ACYP2: variants seen among roughly 807,000 people sequenced by gnomAD.
ACYP2 encodes acylphosphatase 2.
ACYP2 carries 12 observed loss-of-function variants against 11.2 expected under a neutral mutation model. The ratio of observed to expected loss-of-function variants is 1.08; its 90% confidence interval spans 0.69 to 1.74. The LOEUF (loss-of-function observed/expected upper bound fraction) is 1.74. ACYP2 is among the 40% of genes most tolerant of loss of function. The probability of loss-of-function intolerance (pLI) is 0.00; values close to 1 mark genes in which losing one functional copy is unlikely to be tolerated. For missense variants in ACYP2, 134 were observed against 101.9 expected (o/e 1.31, Z -1.35); for synonymous variants, 43 against 32.2 (o/e 1.33, Z -1.13).
At chr2:54,081,676 C>T (rs1402721664) in intron 4 of ACYP2, among the ~76,000 whole-genome samples, 4 of 152,210 alleles carry the variant, frequency 2.6e-5, no homozygotes, top group Non-Finnish European at 5.9e-5. Flanking sequence ...TGATGCATGA[C>T]TCTACATACC....
intron 6 of ACYP2, among the ~76,000 whole-genome samples, chr2:54,195,794 G>T (rs1408220019): frequency 2.4e-4 from 20 of 83,142 alleles, no homozygotes; most frequent in Non-Finnish European, 3.8e-4. Context: ...TTTGTTGTGG[G>T]TTTTTTTTTT....
chr2:54,035,634 T>C (rs1366962006), intron 2 of ACYP2, among the ~76,000 whole-genome samples: 1 of 152,202 alleles, frequency 6.6e-6, no homozygotes, highest in African/African-American at 2.4e-5. Flanking sequence ...TACTCAACCA[T>C]CTACATGATC....
rs1018372025 is a variant in ACYP2, at chr2:54,113,951, G to A, written c.278-21502G>A. The stretch of plus-strand genomic sequence containing the variant: ...ATGGAATGAACTGGGAGATGGAAGA[G>A]TTAAGTTACGAGGTCTCTGCAATAA... On this transcript the variant is annotated intron_variant, in intron 4 of 6. Transcript: ENST00000607452. 3.3e-5 allele frequency among the ~76,000 whole-genome samples: 5 copies of A among 152,286 alleles called. No homozygotes were observed. The South Asian group carries it at 6.2e-4, about 19-fold the overall frequency.
chr2:54,128,020 A>G (rs1351987286), intron 4 of ACYP2, among the ~76,000 whole-genome samples: 4 of 152,234 alleles, frequency 2.6e-5, no homozygotes, highest in African/African-American at 9.6e-5. Context: ...CTTTTGCAAC[A>G]TCCACCAAAT....
chr2:54,266,629 G>A (rs1261095868), intron 6 of ACYP2, among the ~76,000 whole-genome samples: 5 of 77,002 alleles, frequency 6.5e-5, no homozygotes, highest in Admixed American at 3.4e-4. Context: ...TTTTTGAGAC[G>A]GAGTCTCCCT....
intron 3 of ACYP2, among the ~76,000 whole-genome samples, chr2:54,055,280 C>T (rs1038071644): frequency 2.0e-5 from 3 of 152,150 alleles, no homozygotes; most frequent in Admixed American, 1.3e-4. Flanking sequence ...CAGAGATCCA[C>T]CTGCCTTGGC....
At chr2:54,262,243 A>C (rs1276853311) in intron 6 of ACYP2, among the ~76,000 whole-genome samples, 2 of 152,224 alleles carry the variant, frequency 1.3e-5, no homozygotes, top group African/African-American at 4.8e-5. Context: ...TGAATGCGAT[A>C]CAGGAGCAAA....
chr2:54,288,257 T>A (rs184972004), intron 6 of ACYP2, among the ~76,000 whole-genome samples: 2 of 152,118 alleles, frequency 1.3e-5, no homozygotes, highest in East Asian at 3.9e-4. Context: ...AGACTGTGTT[T>A]CAGCATAATG....
intron 4 of ACYP2, among the ~76,000 whole-genome samples, chr2:54,068,213 A>T (rs1221413159): frequency 6.6e-6 from 1 of 152,082 alleles, no homozygotes; most frequent in East Asian, 1.9e-4. Context: ...GTTGAATTTG[A>T]GAGAGGAACT....
At chr2:54,297,649 T>C (rs1302206838) in intron 6 of ACYP2, among the ~76,000 whole-genome samples, 1 of 152,162 alleles carries the variant, frequency 6.6e-6, no homozygotes, top group East Asian at 1.9e-4. Flanking sequence ...ATTATACTAC[T>C]AAAGGAGTTC....
chr2:54,185,628 T>C (rs577230483), intron 6 of ACYP2, among the ~76,000 whole-genome samples: 3 of 152,254 alleles, frequency 2.0e-5, no homozygotes, highest in South Asian at 2.1e-4. Flanking sequence ...TATTGGCCAG[T>C]TAGGTTAATG....
intron 6 of ACYP2, among the ~76,000 whole-genome samples, chr2:54,230,829 C>CTTT (rs34359444): frequency 1.4e-4 from 18 of 129,418 alleles, no homozygotes; most frequent in African/African-American, 4.1e-4. Flanking sequence ...TCTTTCTTTT[C>CTTT]TTTTTTTTTT....
At chr2:54,295,771 G>T (rs79869556) in intron 6 of ACYP2, among the ~76,000 whole-genome samples, 2,460 of 150,586 alleles carry the variant, frequency 0.016, 67 homozygotes, top group African/African-American at 0.056. Flanking sequence ...CTTCTTTTTT[G>T]TGTGTGTGAG....
At chr2:54,275,449 T>C (rs1208454830) in intron 6 of ACYP2, among the ~76,000 whole-genome samples, 2 of 152,242 alleles carry the variant, frequency 1.3e-5, no homozygotes, top group African/African-American at 4.8e-5. Flanking sequence ...CAACAGTCTT[T>C]AATTTTGAAA....
rs568893923 is a variant in ACYP2, at chr2:54,256,482, C to T, written c.405-48206C>T. ...AGGATATTCTCTCTTGTGCAGTATC[C>T]GAGGCTTCTCCCTATTTCTCTACTG... On this transcript the variant is annotated intron_variant, in intron 6 of 6. Coordinates refer to ENST00000607452, the MANE Select transcript of ACYP2 (RefSeq NM_001320586.2). 3.0e-3 allele frequency among the ~76,000 whole-genome samples: 462 copies of T among 152,216 alleles called. 8 individuals carry two copies. Among genetic ancestry groups the T allele is most frequent in the Non-Finnish European group, 3.0e-3 (207 of 68,020 alleles).
intron 5 of ACYP2, among the ~76,000 whole-genome samples, chr2:54,137,713 G>A (rs140385407): frequency 6.6e-5 from 10 of 152,234 alleles, no homozygotes; most frequent in African/African-American, 2.4e-4. Flanking sequence ...TCCATGTCTT[G>A]GCTATTGTGA....
intron 6 of ACYP2, chr2:54,254,041 A>C (rs1014686838): frequency 6.6e-6 from 1 of 152,184 alleles, no homozygotes; most frequent in African/African-American, 2.4e-5. Flanking sequence ...AAGGGAGGCA[A>C]ATAAAGGTAC....
chr2:54,286,711 T>C (rs994672239), intron 6 of ACYP2, among the ~76,000 whole-genome samples: 1 of 152,060 alleles, frequency 6.6e-6, no homozygotes, highest in Admixed American at 6.5e-5. Context: ...CTAATAAAAA[T>C]CTTTATGCTG....
intron 4 of ACYP2, among the ~76,000 whole-genome samples, chr2:54,100,887 A>G (rs1450448514): frequency 6.6e-6 from 1 of 152,252 alleles, no homozygotes; most frequent in African/African-American, 2.4e-5. Context: ...AATGTCTTGA[A>G]TATCATGCCA....
Sources: allele counts gnomAD v4.1 joint callset (sites outside exome capture counted in the v4.1 genomes callset), GRCh38; gene constraint gnomAD v4.1.1; transcripts MANE v1.5; gene names NCBI Gene and HGNC (gene_info 2026-07-23, HGNC 2026-07-21).